MYO10: variants seen among roughly 807,000 people sequenced by gnomAD.
The protein encoded by MYO10 is unconventional myosin-X.
In MYO10, 133 loss-of-function variants were observed where a neutral mutation model predicts 257.3. That is an observed-to-expected ratio of 0.52 (90% CI 0.45 to 0.60). The LOEUF (loss-of-function observed/expected upper bound fraction) is 0.60. MYO10 is among the 20% of genes least tolerant of loss of function. MYO10 has a pLI of 0.00. For synonymous variants in MYO10, 1,104 were observed against 1,028.6 expected, an observed-to-expected ratio of 1.07 and a Z score of -1.40; for missense variants, 2,399 against 2,635.7, an observed-to-expected ratio of 0.91 and a Z score of 1.97.
intron 1 of MYO10, among the ~76,000 whole-genome samples, chr5:16,912,052 G>GTTGTTTGTTTGT (rs372889905): frequency 0.011 from 1,685 of 151,968 alleles, 35 homozygotes; most frequent in African/African-American, 0.039. Context: ...AAAAAATTAG[G>GTTGTTTGTTTGT]TTGTTTGTTT....
intron 2 of MYO10, among the ~76,000 whole-genome samples, chr5:16,837,333 C>T (rs253332): frequency 0.032 from 4,794 of 152,054 alleles, 227 homozygotes; most frequent in African/African-American, 0.11. Flanking sequence ...AACATACTGA[C>T]GAACCTTGTA....
intron 19 of MYO10, among the ~76,000 whole-genome samples, chr5:16,720,450 A>T (rs31291): frequency 0.84 from 126,769 of 151,784 alleles, 53,169 homozygotes; most frequent in Non-Finnish European, 0.86. Flanking sequence ...TATTTATTTT[A>T]TTTTATTTTA....
chr5:16,903,207 C>T (rs1466834639), intron 1 of MYO10, among the ~76,000 whole-genome samples: 3 of 152,206 alleles, frequency 2.0e-5, no homozygotes, highest in Non-Finnish European at 2.9e-5. Flanking sequence ...GAGTTGAAGA[C>T]CAGCCTGACC....
chr5:16,909,704 G>C (rs1745609891), intron 1 of MYO10, among the ~76,000 whole-genome samples: 1 of 152,112 alleles, frequency 6.6e-6, no homozygotes, highest in African/African-American at 2.4e-5. Context: ...GACATGATTT[G>C]TTTAGCCCTA....
At chr5:16,915,914 G>C (rs1347282177) in intron 1 of MYO10, 2 of 393,430 alleles carry the variant, frequency 5.1e-6, no homozygotes, top group Admixed American at 3.0e-5. Flanking sequence ...CTGAAATTGC[G>C]CCACTGCACT....
intron 34 of MYO10, 38 bp from the exon 35 acceptor site, chr5:16,675,188 G>A (rs759186092): frequency 6.2e-7 from 1 of 1,604,584 alleles, no homozygotes; most frequent in Non-Finnish European, 8.5e-7. Context: ...TCATCTGAGG[G>A]GTTCAGAATA....
intron 2 of MYO10, among the ~76,000 whole-genome samples, chr5:16,861,249 C>T (rs1360635757): frequency 6.9e-6 from 1 of 144,972 alleles, no homozygotes; most frequent in African/African-American, 2.7e-5. Context: ...CATTTCCCTA[C>T]AGCAATAAAA....
chr5:16,755,897 G>C (rs1434403128), intron 18 of MYO10, among the ~76,000 whole-genome samples: 1 of 152,026 alleles, frequency 6.6e-6, no homozygotes, highest in Non-Finnish European at 1.5e-5. Flanking sequence ...TCCTCCAGCA[G>C]CATTTCAGTA....
Position 16,792,870 on chromosome 5 carries a change from C to G in MYO10, c.467+1776G>C, listed in dbSNP as rs530603418. ...AGAGGGGTCTTTTTAGTGTCCCCCC[C>G]TCCCCCGACATCACCCGCCAAATCC... On this transcript the variant is annotated intron_variant, in intron 4 of 40. Transcript: ENST00000513610. Among the ~76,000 whole-genome samples, 40 of 152,298 alleles carry G rather than the reference C, an allele frequency of 2.6e-4. No individual in the cohort carries two copies. The South Asian group carries it at 4.1e-3, about 16-fold the overall frequency.
intron 19 of MYO10, among the ~76,000 whole-genome samples, chr5:16,734,381 C>T (rs1259038690): frequency 6.6e-6 from 1 of 152,216 alleles, no homozygotes; most frequent in East Asian, 1.9e-4. Context: ...TTCACAAATT[C>T]TACCTGGCAA....
chr5:16,865,016 T>G (rs1031381327), intron 2 of MYO10, among the ~76,000 whole-genome samples: 5 of 152,088 alleles, frequency 3.3e-5, no homozygotes, highest in Non-Finnish European at 7.3e-5. Context: ...GGTGGGTATT[T>G]CCAGGAGCAA....
At position 16,704,604 on chromosome 5, in the gene MYO10, C is replaced by G. The variant is rs1383416959; in HGVS notation, c.2251G>C (p.Ala751Pro). Residue 751 changes from alanine to proline, a missense_variant, in exon 22 of 41, where the codon GCC becomes CCC. By Grantham distance (27) the Ala-to-Pro change is conservative (BLOSUM62 -1). Coordinates refer to ENST00000513610, the MANE Select transcript of MYO10 (RefSeq NM_012334.3). The stretch of plus-strand genomic sequence containing the variant: ...CGTGCTAAGAAGCCCAAGACATGGG[C>G]CCGAATCACCATGGCCGCGTGGCTC... ...EVSHAAMVIR[A>P]HVLGFLARKQ... 2 of 1,613,802 alleles carry G rather than the reference C, an allele frequency of 1.2e-6. No homozygotes were observed. Among genetic ancestry groups the G allele is most frequent in the African/African-American group, 2.7e-5 (2 of 74,920 alleles).
chr5:16,830,498 G>GAAAA (rs753377649), intron 2 of MYO10, among the ~76,000 whole-genome samples: 3 of 140,626 alleles, frequency 2.1e-5, no homozygotes, highest in Non-Finnish European at 4.7e-5. Context: ...AGTCTATCAA[G>GAAAA]AAAAAAAAAA....
intron 39 of MYO10, among the ~76,000 whole-genome samples, chr5:16,670,035 A>C (rs977835368): frequency 2.0e-5 from 3 of 152,358 alleles, no homozygotes; most frequent in African/African-American, 7.2e-5. Flanking sequence ...ACAATTAGTA[A>C]GATTTCTTTT....
Position 16,671,490 on chromosome 5 carries a change from G to C in MYO10, c.5362C>G (p.Leu1788Val), listed in dbSNP as rs374361994. The change falls in exon 38 of 41, where the codon CTT (leucine) becomes GTT (valine). Residue 1788 changes from leucine (L) to valine (V), a missense_variant. Transcript: ENST00000513610. ...TTGTCTGTGTCCAGGAAGCAGTAAA[G>C]TTTGAAGTAGAATTTCCATGGCAGG... The part of the protein sequence containing the change: ...GDLPWKFYFK[L>V]YCFLDTDNVP... The C allele has an allele frequency of 4.4e-5, 71 of 1,613,886 alleles. No homozygotes were observed. The highest frequency in any genetic ancestry group is 5.8e-5 in the Non-Finnish European group (69 of 1,179,876).
intron 9 of MYO10, among the ~76,000 whole-genome samples, chr5:16,775,692 T>A (rs1460686174): frequency 6.6e-6 from 1 of 151,902 alleles, no homozygotes; most frequent in African/African-American, 2.4e-5. Flanking sequence ...AACCTCCACC[T>A]CCCAGGTTCA....
At chr5:16,703,952 C>G (rs1203005775) in intron 22 of MYO10, among the ~76,000 whole-genome samples, 1 of 149,248 alleles carries the variant, frequency 6.7e-6, no homozygotes, top group Non-Finnish European at 1.5e-5. Flanking sequence ...GTCTCTATAG[C>G]CAAAATGATA....
chr5:16,813,545 T>G (rs1742506490), intron 3 of MYO10, among the ~76,000 whole-genome samples: 1 of 147,108 alleles, frequency 6.8e-6, no homozygotes, highest in South Asian at 2.2e-4. Flanking sequence ...AGTGAGACCC[T>G]GGCTCTAAAA....
At chr5:16,688,215 T>C (rs1015251890) in intron 28 of MYO10, among the ~76,000 whole-genome samples, 7 of 152,206 alleles carry the variant, frequency 4.6e-5, no homozygotes, top group Non-Finnish European at 8.8e-5. Context: ...TTGCTTGTTT[T>C]TCCAGTTTGT....
Sources: gnomAD v4.1 joint callset for allele counts (sites outside exome capture counted in the v4.1 genomes callset) on GRCh38, gnomAD v4.1.1 for gene constraint, MANE v1.5 for transcripts, NCBI Gene and HGNC (gene_info 2026-07-23, HGNC 2026-07-21) for gene names.